ACSM5: variants seen among roughly 807,000 people sequenced by gnomAD.
ACSM5 encodes the protein acyl-coenzyme A synthetase ACSM5, mitochondrial.
In ACSM5, 56 loss-of-function variants were observed where a neutral mutation model predicts 71.6. The observed-to-expected ratio is 0.78, with a 90% confidence interval of 0.63 to 0.98. The LOEUF (loss-of-function observed/expected upper bound fraction) is 0.98, where lower values mean the gene tolerates loss of function less well. Among genes scored for constraint, ACSM5 ranks in the 50% least tolerant of loss-of-function variants. ACSM5 has a pLI of 0.00. For synonymous variants in ACSM5, 285 were observed against 281.5 expected, an observed-to-expected ratio of 1.01 and a Z score of -0.12; for missense variants, 723 against 726.0, an observed-to-expected ratio of 1.00 and a Z score of 0.05.
intron 5 of ACSM5, among the ~76,000 whole-genome samples, chr16:20,423,039 T>C (rs1195285954): frequency 6.6e-6 from 1 of 152,216 alleles, no homozygotes; most frequent in Non-Finnish European, 1.5e-5. Context: ...GGCATTTGGA[T>C]ACACATGTCT....
intron 4 of ACSM5, 198 bp downstream of exon 4, chr16:20,419,633 T>G: frequency 1.7e-6 from 1 of 597,096 alleles, no homozygotes; most frequent in Non-Finnish European, 3.0e-6. Context: ...GTGCTGGATT[T>G]GTCAGCAGCT....
At position 20,418,060 on chromosome 16, in the gene ACSM5, C is replaced by T; in HGVS notation, c.206C>T (p.Ala69Val). The change falls in exon 3 of 14, where the codon GCT becomes GTT. Residue 69 changes from alanine to valine, a missense_variant and splice_region_variant. Transcript: ENST00000331849. Reference sequence around the variant, plus strand: ...TTTTCTGCCTGTACCACCATCTAGGCTGGACACCGCCCCCCAAATCCTGCC... The same window carrying T: ...TTTTCTGCCTGTACCACCATCTAGGTTGGACACCGCCCCCCAAATCCTGCC... Reference protein sequence around the residue: ...VLDVWSRLEEAGHRPPNPAFW... With the variant: ...VLDVWSRLEEVGHRPPNPAFW... 6 of 1,613,426 alleles carry T rather than the reference C, an allele frequency of 3.7e-6. No homozygotes were observed. Among genetic ancestry groups the T allele is most frequent in the East Asian group, 2.2e-5 (1 of 44,866 alleles).
Position 20,419,211 on chromosome 16 carries a change from C to T in ACSM5, c.416-17C>T, listed in dbSNP as rs1319177441. On this transcript the variant is annotated splice_polypyrimidine_tract_variant and intron_variant, in intron 3 of 13. Transcript: ENST00000331849. ...TTCCCCGCTATCCACTCAACATCCC[C>T]TTCTGTTTTATGCCAGGGACTGTGA... 3 of 1,614,008 alleles carry T rather than the reference C, an allele frequency of 1.9e-6. No individual in the cohort carries two copies. The highest frequency in any genetic ancestry group is 2.2e-5 in the South Asian group (2 of 91,050).
chr16:20,419,189 C>A, intron 3 of ACSM5, 39 bp from the exon 4 acceptor site: 1 of 1,607,544 alleles, frequency 6.2e-7, no homozygotes, highest in Non-Finnish European at 8.5e-7. Flanking sequence ...CAAGGCCTTC[C>A]CCGCTATCCA....
intron 12 of ACSM5, among the ~76,000 whole-genome samples, chr16:20,438,726 C>T (rs554097633): frequency 1.3e-5 from 2 of 151,110 alleles, no homozygotes; most frequent in African/African-American, 2.4e-5. Context: ...GAGGCCGAGG[C>T]GGGTGGATCA....
At chr16:20,432,844 A>ATTTTTTTT (rs1567346831) in intron 10 of ACSM5, among the ~76,000 whole-genome samples, 6 of 60,208 alleles carry the variant, frequency 1.0e-4, no homozygotes, top group East Asian at 7.2e-4. Context: ...TTTCCAGATC[A>ATTTTTTTT]TTCTTTTTTT....
chr16:20,421,995 C>T (rs187703647), intron 5 of ACSM5, among the ~76,000 whole-genome samples: 4 of 152,314 alleles, frequency 2.6e-5, no homozygotes, highest in African/African-American at 9.6e-5. Flanking sequence ...TTTCACTTAG[C>T]ATAATGTCCT....
At chr16:20,423,104 T>A (rs866133209) in intron 5 of ACSM5, among the ~76,000 whole-genome samples, 1 of 152,172 alleles carries the variant, frequency 6.6e-6, no homozygotes, top group Non-Finnish European at 1.5e-5. Context: ...TGGTATTTCA[T>A]ACCATGAGAT....
chr16:20,416,088 G>A (rs1281494388), intron 2 of ACSM5, among the ~76,000 whole-genome samples: 2 of 152,026 alleles, frequency 1.3e-5, no homozygotes, highest in South Asian at 2.1e-4. Context: ...TGGAAAAGAT[G>A]TAAACAAATA....
chr16:20,430,200 T>TACACACACAC (rs199835504), intron 8 of ACSM5, among the ~76,000 whole-genome samples: 26 of 144,858 alleles, frequency 1.8e-4, no homozygotes, highest in African/African-American at 5.6e-4. Flanking sequence ...GCTATTGAAA[T>TACACACACAC]ACACACACAC....
chr16:20,424,310 C>G (rs936317503), intron 6 of ACSM5, among the ~76,000 whole-genome samples: 1 of 152,104 alleles, frequency 6.6e-6, no homozygotes, highest in African/African-American at 2.4e-5. Context: ...CATGGGGTGC[C>G]CTTGTTTCCA....
chr16:20,423,523 C>T (rs1210616063), intron 5 of ACSM5, among the ~76,000 whole-genome samples: 1 of 152,206 alleles, frequency 6.6e-6, no homozygotes, highest in Admixed American at 6.5e-5. Context: ...AAAACATGCT[C>T]TCCAGGGGCT....
At position 20,411,625 on chromosome 16, in the gene ACSM5, G is replaced by A; in HGVS notation, c.141G>A (p.Gln47=). The part of the protein sequence containing the change: ...ATWEAISLGR[Q]LVPEYFNFAH... ...GGGAAGCCATCAGCCTGGGAAGGCA[G>A]CTGGTGCCTGAGTACTTCAACTTCG... The change falls in exon 2 of 14, where the codon CAG becomes CAA. Residue 47 remains glutamine, a synonymous_variant. Coordinates refer to ENST00000331849, the MANE Select transcript of ACSM5 (RefSeq NM_017888.3). 2 of 1,614,184 alleles carry A rather than the reference G, an allele frequency of 1.2e-6. No individual in the cohort carries two copies. Among genetic ancestry groups the A allele is most frequent in the Non-Finnish European group, 1.7e-6 (2 of 1,180,036 alleles).
intron 10 of ACSM5, among the ~76,000 whole-genome samples, chr16:20,432,847 CT>C (rs56853520): frequency 0.055 from 3,161 of 57,186 alleles, 14 homozygotes; most frequent in East Asian, 0.11. Context: ...CCAGATCATT[CT>C]TTTTTTTTTT....
At chr16:20,417,032 A>AG (rs1225713974) in intron 2 of ACSM5, among the ~76,000 whole-genome samples, 13 of 151,556 alleles carry the variant, frequency 8.6e-5, no homozygotes, top group Admixed American at 6.6e-4. Flanking sequence ...GCAAAAAAAA[A>AG]AAAAAAAGGT....
chr16:20,431,950 A>AT (rs1259978224), intron 10 of ACSM5, among the ~76,000 whole-genome samples: 3,089 of 142,840 alleles, frequency 0.022, 126 homozygotes, highest in African/African-American at 0.074. Context: ...GTATCAAAAA[A>AT]AAAAAATAAT....
At chr16:20,435,329 G>A (rs1021518963) in intron 10 of ACSM5, among the ~76,000 whole-genome samples, 5 of 152,182 alleles carry the variant, frequency 3.3e-5, no homozygotes, top group Non-Finnish European at 7.3e-5. Flanking sequence ...CACTGCACCA[G>A]GCCGATTAAG....
chr16:20,420,415 G>A (rs1275312372), intron 4 of ACSM5, among the ~76,000 whole-genome samples: 15 of 152,138 alleles, frequency 9.9e-5, no homozygotes, highest in Admixed American at 6.5e-4. Context: ...AGCCTGACCA[G>A]CATGGAGAAA....
intron 10 of ACSM5, among the ~76,000 whole-genome samples, chr16:20,431,616 G>A (rs1282542037): frequency 6.6e-6 from 1 of 152,052 alleles, no homozygotes; most frequent in Non-Finnish European, 1.5e-5. Flanking sequence ...TTGTTTTAAT[G>A]AGGTGAAAAT....
Sources: allele counts gnomAD v4.1 joint callset (sites outside exome capture counted in the v4.1 genomes callset), GRCh38; gene constraint gnomAD v4.1.1; transcripts MANE v1.5; gene names NCBI Gene and HGNC (gene_info 2026-07-23, HGNC 2026-07-21).